The following STXBP5L variants were observed in gnomAD, a reference collection of about 807,000 sequenced individuals.
STXBP5L encodes syntaxin binding protein 5L.
In STXBP5L, 65 loss-of-function variants were observed where a neutral mutation model predicts 144.5. The observed-to-expected ratio is 0.45, with a 90% CI of 0.37 to 0.55. STXBP5L has a LOEUF of 0.55. STXBP5L is among the 20% of genes least tolerant of loss of function. The probability of loss-of-function intolerance (pLI) is 0.00; values close to 1 mark genes in which losing one functional copy is unlikely to be tolerated. For synonymous variants in STXBP5L, 505 were observed against 469.6 expected (o/e 1.08, Z -0.97); for missense variants, 1,298 against 1,405.5 (o/e 0.92, Z 1.22).
At chr3:121,182,523 G>A (rs1489763779) in intron 9 of STXBP5L, among the ~76,000 whole-genome samples, 3 of 152,048 alleles carry the variant, frequency 2.0e-5, no homozygotes, top group Non-Finnish European at 4.4e-5. Context: ...GCAAAGCTGT[G>A]CTAATAGAAA....
chr3:121,082,535 A>T (rs1203392984), intron 5 of STXBP5L, among the ~76,000 whole-genome samples: 1 of 152,200 alleles, frequency 6.6e-6, no homozygotes, highest in African/African-American at 2.4e-5. Context: ...GTCTGTACTA[A>T]TAAGGGCCAA....
intron 3 of STXBP5L, among the ~76,000 whole-genome samples, chr3:120,972,241 A>T (rs1371989428): frequency 6.6e-6 from 1 of 151,698 alleles, no homozygotes; most frequent in East Asian, 1.9e-4. Flanking sequence ...GTCATCTATG[A>T]TTTCTTTCAT....
At chr3:121,021,438 A>G (rs1945544485) in intron 3 of STXBP5L, among the ~76,000 whole-genome samples, 1 of 152,194 alleles carries the variant, frequency 6.6e-6, no homozygotes, top group Non-Finnish European at 1.5e-5. Context: ...TTTACAGAAC[A>G]TTCTACCCAA....
chr3:121,228,418 C>G (rs2049191067), intron 11 of STXBP5L, among the ~76,000 whole-genome samples: 1 of 152,268 alleles, frequency 6.6e-6, no homozygotes, highest in East Asian at 1.9e-4. Flanking sequence ...CCGAGTAAAA[C>G]ATTGCTTTTC....
intron 8 of STXBP5L, among the ~76,000 whole-genome samples, chr3:121,152,860 A>T (rs911514302): frequency 2.1e-4 from 32 of 152,050 alleles, no homozygotes; most frequent in Non-Finnish European, 1.6e-4. Flanking sequence ...CCTGTACTAT[A>T]TCCCCAACTT....
chr3:121,393,978 T>C (rs2046660629), intron 22 of STXBP5L, among the ~76,000 whole-genome samples: 1 of 152,202 alleles, frequency 6.6e-6, no homozygotes, highest in South Asian at 2.1e-4. Context: ...TGTTGGCAAA[T>C]TGATAGGAAT....
chr3:120,923,518 T>G (rs1709457721), intron 2 of STXBP5L, among the ~76,000 whole-genome samples: 1 of 152,040 alleles, frequency 6.6e-6, no homozygotes, highest in Non-Finnish European at 1.5e-5. Flanking sequence ...ATCTCATAGA[T>G]TTCAGTATAT....
intron 3 of STXBP5L, among the ~76,000 whole-genome samples, chr3:121,001,998 G>A (rs911798048): frequency 2.6e-5 from 4 of 152,166 alleles, no homozygotes; most frequent in Admixed American, 2.6e-4. Context: ...TGGCTATAAT[G>A]AATAATGCTT....
chr3:121,196,078 TG>T (rs2047907395), intron 9 of STXBP5L, among the ~76,000 whole-genome samples: 2 of 152,162 alleles, frequency 1.3e-5, no homozygotes. Context: ...TTTCTATTTC[TG>T]TAGAGTATTT....
At chr3:121,359,465 T>A (rs1022226458) in intron 20 of STXBP5L, among the ~76,000 whole-genome samples, 26 of 152,244 alleles carry the variant, frequency 1.7e-4, no homozygotes, top group African/African-American at 6.0e-4. Flanking sequence ...CTTGATGTGA[T>A]CTCATTTGTT....
chr3:121,341,948 A>G (rs2108584586), intron 20 of STXBP5L, among the ~76,000 whole-genome samples: 1 of 152,256 alleles, frequency 6.6e-6, no homozygotes, highest in Admixed American at 6.6e-5. Context: ...GACTACAGTC[A>G]ACAATAATTT....
chr3:121,125,480 A>T (rs2044665368), intron 7 of STXBP5L, among the ~76,000 whole-genome samples: 1 of 152,028 alleles, frequency 6.6e-6, no homozygotes. Flanking sequence ...CAAAAAAAAA[A>T]TCAAGATAAT....
chr3:121,206,951 A>C, intron 10 of STXBP5L, among the ~76,000 whole-genome samples: 1 of 152,372 alleles, frequency 6.6e-6, no homozygotes, highest in Admixed American at 6.5e-5. Flanking sequence ...AATTCAAATT[A>C]AATAATCCTA....
rs957020479 is a variant in STXBP5L, at chr3:121,232,910, A to G, written c.1112-706A>G. On this transcript the variant is annotated intron_variant, in intron 11 of 26. Transcript: ENST00000471454. ...TTCCCTGGTGTGATACCAGGGCTCTATCTGATCGGATCCTGCAGCCTACCA... is the reference window on the plus strand; with the variant it reads ...TTCCCTGGTGTGATACCAGGGCTCTGTCTGATCGGATCCTGCAGCCTACCA... Among the ~76,000 whole-genome samples the G allele has an allele frequency of 2.0e-5, 3 of 152,066 alleles. No individual in the cohort carries two copies. In the East Asian group the frequency reaches 5.8e-4, roughly 29 times the overall value.
intron 19 of STXBP5L, among the ~76,000 whole-genome samples, chr3:121,288,681 A>G (rs2051313995): frequency 6.6e-6 from 1 of 152,010 alleles, no homozygotes; most frequent in South Asian, 2.1e-4. Flanking sequence ...CTACTTTTTA[A>G]TAAAATCATT....
intron 23 of STXBP5L, 166 bp downstream of exon 23, chr3:121,407,769 G>T: frequency 9.8e-7 from 1 of 1,018,794 alleles, no homozygotes. Flanking sequence ...GAGAGTTTGG[G>T]GGTTTTGTGT....
chr3:121,214,468 C>CATT, intron 10 of STXBP5L, among the ~76,000 whole-genome samples: 1 of 152,178 alleles, frequency 6.6e-6, no homozygotes, highest in Middle Eastern at 3.4e-3. Context: ...ATTATTTACC[C>CATT]AGTTGTCATT....
intron 18 of STXBP5L, among the ~76,000 whole-genome samples, chr3:121,274,284 C>T (rs1181346117): frequency 1.3e-5 from 2 of 152,188 alleles, no homozygotes; most frequent in Non-Finnish European, 2.9e-5. Flanking sequence ...TGCAACATCT[C>T]CTGTTTTAAG....
At chr3:121,395,901 G>A (rs746043338) in intron 22 of STXBP5L, among the ~76,000 whole-genome samples, 1 of 152,218 alleles carries the variant, frequency 6.6e-6, no homozygotes, top group African/African-American at 2.4e-5. Context: ...CGACATGGCT[G>A]CAACCGAGGG....
Sources: allele counts gnomAD v4.1 joint callset (sites outside exome capture counted in the v4.1 genomes callset), GRCh38; gene constraint gnomAD v4.1.1; transcripts MANE v1.5; gene names NCBI Gene and HGNC (gene_info 2026-07-23, HGNC 2026-07-21).